MAML2: variants seen among roughly 807,000 people sequenced by gnomAD.
MAML2 encodes the protein mastermind-like protein 2.
Under a neutral mutation model 96.1 loss-of-function variants are expected in MAML2, and 22 were observed. The ratio of observed to expected loss-of-function variants is 0.23; its 90% confidence interval spans 0.16 to 0.33. The LOEUF (loss-of-function observed/expected upper bound fraction) is 0.33, where lower values mean the gene tolerates loss of function less well. Among genes scored for constraint, MAML2 ranks in the 10% least tolerant of loss-of-function variants. The pLI is 1.00. For synonymous variants in MAML2, 561 were observed against 521.3 expected (o/e 1.08, Z -1.04); for missense variants, 1,367 against 1,392.4 (o/e 0.98, Z 0.29).
In MAML2 at chr11:96,191,581, T is replaced by C. The variant is rs550915386; in HGVS notation, c.514-98064A>G. On this transcript the variant is annotated intron_variant, in intron 1 of 4. Coordinates refer to ENST00000524717, the MANE Select transcript of MAML2 (RefSeq NM_032427.4). ...CGAGGTCAAGAGATGGAGACCATCC[T>C]TGCTAACACGGTGAAACCTCGTCTA... Among the ~76,000 whole-genome samples, 18 of 151,908 alleles carry C rather than the reference T, an allele frequency of 1.2e-4. No individual in the cohort carries two copies. The East Asian group carries it at 3.1e-3, about 26-fold the overall frequency.
intron 1 of MAML2, among the ~76,000 whole-genome samples, chr11:96,239,596 C>T (rs1018137259): frequency 2.6e-5 from 4 of 151,408 alleles, no homozygotes; most frequent in East Asian, 1.9e-4. Context: ...ATTCAAAGTA[C>T]AGGCGAATCA....
intron 2 of MAML2, among the ~76,000 whole-genome samples, chr11:96,021,014 CCTT>C (rs1858426987): frequency 6.6e-6 from 1 of 152,066 alleles, no homozygotes; most frequent in Non-Finnish European, 1.5e-5. Flanking sequence ...GGATTTCTTC[CCTT>C]TTTTTCTTTT....
At chr11:96,338,464 T>C (rs940441500) in intron 1 of MAML2, among the ~76,000 whole-genome samples, 2 of 152,262 alleles carry the variant, frequency 1.3e-5, no homozygotes, top group Non-Finnish European at 2.9e-5. Context: ...TGCATTGTTC[T>C]TGAAACTTAA....
intron 1 of MAML2, among the ~76,000 whole-genome samples, chr11:96,192,717 G>A (rs551465454): frequency 6.6e-6 from 1 of 152,256 alleles, no homozygotes; most frequent in East Asian, 1.9e-4. Flanking sequence ...TTATCTGGAG[G>A]CAGAATAAGA....
At chr11:96,233,082 G>T (rs919389273) in intron 1 of MAML2, among the ~76,000 whole-genome samples, 26 of 150,892 alleles carry the variant, frequency 1.7e-4, no homozygotes, top group Non-Finnish European at 3.4e-4. Context: ...TGTCACTAAT[G>T]CAATGAAAAC....
intron 1 of MAML2, among the ~76,000 whole-genome samples, chr11:96,206,961 A>G (rs1199918022): frequency 6.6e-6 from 1 of 152,264 alleles, no homozygotes; most frequent in Non-Finnish European, 1.5e-5. Flanking sequence ...TGTTACCAGC[A>G]TAAAAAAGGG....
intron 2 of MAML2, among the ~76,000 whole-genome samples, chr11:95,995,793 C>T (rs1268428265): frequency 6.6e-6 from 1 of 152,096 alleles, no homozygotes. Context: ...ACCCATTTTC[C>T]TCACTTCTAT....
intron 2 of MAML2, among the ~76,000 whole-genome samples, chr11:96,023,095 G>A (rs1424665369): frequency 6.6e-6 from 1 of 152,232 alleles, no homozygotes; most frequent in Admixed American, 6.5e-5. Flanking sequence ...GGAATGAGAA[G>A]TTAGAAGAGG....
intron 2 of MAML2, among the ~76,000 whole-genome samples, chr11:96,010,875 C>T (rs1205548085): frequency 6.6e-6 from 1 of 152,012 alleles, no homozygotes; most frequent in Non-Finnish European, 1.5e-5. Flanking sequence ...CATGATGATG[C>T]AATTATGTTT....
intron 2 of MAML2, among the ~76,000 whole-genome samples, chr11:96,083,648 C>T (rs1859561670): frequency 6.6e-6 from 1 of 152,118 alleles, no homozygotes; most frequent in Non-Finnish European, 1.5e-5. Context: ...GGGATGGGCT[C>T]TTAAAGCCCC....
intron 2 of MAML2, among the ~76,000 whole-genome samples, chr11:96,014,805 T>A (rs1208327220): frequency 6.6e-6 from 1 of 152,234 alleles, no homozygotes; most frequent in Non-Finnish European, 1.5e-5. Flanking sequence ...GACTTAAAAC[T>A]ATGTGTAGAT....
At chr11:96,268,074 G>A (rs1862855932) in intron 1 of MAML2, among the ~76,000 whole-genome samples, 1 of 152,178 alleles carries the variant, frequency 6.6e-6, no homozygotes, top group Non-Finnish European at 1.5e-5. Context: ...TGCCATCTCT[G>A]CTCTCTATGA....
At chr11:96,006,872 TACACACACACAC>T (rs57492080) in intron 2 of MAML2, among the ~76,000 whole-genome samples, 49 of 124,046 alleles carry the variant, frequency 4.0e-4, no homozygotes, top group South Asian at 2.3e-3. Context: ...GAATATCTTA[TACACACACACAC>T]ACACACACAC....
intron 2 of MAML2, among the ~76,000 whole-genome samples, chr11:96,078,225 T>G (rs1465969952): frequency 1.3e-5 from 2 of 152,234 alleles, no homozygotes; most frequent in Non-Finnish European, 2.9e-5. Context: ...TCCACCACCA[T>G]GCCTGGCTCA....
At chr11:96,307,354 T>C (rs1342363517) in intron 1 of MAML2, among the ~76,000 whole-genome samples, 1 of 152,186 alleles carries the variant, frequency 6.6e-6, no homozygotes, top group African/African-American at 2.4e-5. Flanking sequence ...AAGTTTTACT[T>C]ATGCTTTTAC....
At chr11:96,202,720 CG>C (rs1054868436) in intron 1 of MAML2, among the ~76,000 whole-genome samples, 3 of 151,946 alleles carry the variant, frequency 2.0e-5, no homozygotes, top group Non-Finnish European at 4.4e-5. Flanking sequence ...CTCCACCTCC[CG>C]GGTTCAAGCG....
intron 1 of MAML2, among the ~76,000 whole-genome samples, chr11:96,099,304 A>G (rs1279821296): frequency 6.6e-6 from 1 of 152,204 alleles, no homozygotes; most frequent in African/African-American, 2.4e-5. Flanking sequence ...TTTAGGATCC[A>G]GGAATAGTAA....
At chr11:96,019,830 A>C (rs962112458) in intron 2 of MAML2, among the ~76,000 whole-genome samples, 3 of 152,158 alleles carry the variant, frequency 2.0e-5, no homozygotes, top group African/African-American at 7.2e-5. Context: ...TATTGGAAGA[A>C]TATGATTATA....
At chr11:96,064,561 T>C (rs1326409747) in intron 2 of MAML2, among the ~76,000 whole-genome samples, 1 of 152,252 alleles carries the variant, frequency 6.6e-6, no homozygotes, top group Non-Finnish European at 1.5e-5. Flanking sequence ...TATGCATCTT[T>C]GGCAAATCTT....
Sources: allele counts gnomAD v4.1 joint callset (sites outside exome capture counted in the v4.1 genomes callset), GRCh38; gene constraint gnomAD v4.1.1; transcripts MANE v1.5; gene names NCBI Gene and HGNC (gene_info 2026-07-23, HGNC 2026-07-21).